MAN1C1: variants seen among roughly 807,000 people sequenced by gnomAD.
MAN1C1 encodes mannosyl-oligosaccharide 1,2-alpha-mannosidase IC.
Under a neutral mutation model 71.5 loss-of-function variants are expected in MAN1C1, and 49 were observed. The ratio of observed to expected loss-of-function variants is 0.69; its 90% confidence interval spans 0.54 to 0.87. The LOEUF (loss-of-function observed/expected upper bound fraction) is 0.87. Ranked by LOEUF, MAN1C1 falls within the 40% of genes least tolerant of loss-of-function variation. The pLI, the probability that MAN1C1 is intolerant of heterozygous loss-of-function variation, is 0.00. For missense variants in MAN1C1, 743 were observed against 835.0 expected (o/e 0.89, Z 1.36); for synonymous variants, 352 against 343.7 (o/e 1.02, Z -0.27).
intron 4 of MAN1C1, among the ~76,000 whole-genome samples, chr1:25,752,256 A>AC (rs2047226342): frequency 6.6e-6 from 1 of 152,082 alleles, no homozygotes; most frequent in African/African-American, 2.4e-5. Flanking sequence ...GGCTCGTGCC[A>AC]CCATTGTGTT....
At chr1:25,659,760 G>T (rs1182147028) in intron 1 of MAN1C1, among the ~76,000 whole-genome samples, 1 of 152,128 alleles carries the variant, frequency 6.6e-6, no homozygotes, top group Non-Finnish European at 1.5e-5. Flanking sequence ...GAAATGTTGT[G>T]TGCCAATGGT....
intron 1 of MAN1C1, among the ~76,000 whole-genome samples, chr1:25,667,958 C>T (rs1228488947): frequency 6.6e-6 from 1 of 152,174 alleles, no homozygotes; most frequent in Non-Finnish European, 1.5e-5. Context: ...AGAATGACTC[C>T]AGGACCTCAG....
chr1:25,718,749 A>G (rs1220993248), intron 2 of MAN1C1, among the ~76,000 whole-genome samples: 1 of 152,206 alleles, frequency 6.6e-6, no homozygotes, highest in East Asian at 1.9e-4. Flanking sequence ...TCCACATTGT[A>G]GCATGCATCA....
In MAN1C1 at chr1:25,758,614, G is replaced by C; in HGVS notation, c.952G>C (p.Ala318Pro). 1 of 1,614,190 alleles carries C rather than the reference G, an allele frequency of 6.2e-7. No individual in the cohort carries two copies. Among genetic ancestry groups the C allele is most frequent in the Non-Finnish European group, 8.5e-7 (1 of 1,180,034 alleles). The part of the protein sequence containing the change: ...FKSGNWGWAT[A>P]GSSSILAEFG... The stretch of plus-strand genomic sequence containing the variant: ...CAGTGGGAACTGGGGCTGGGCCACA[G>C]CCGGCAGCAGCAGCATCTTGGCGGA... The change falls in exon 6 of 12, where the codon GCC (alanine) becomes CCC (proline). Residue 318 changes from alanine (A) to proline (P), a missense_variant. By Grantham distance (27) the Ala-to-Pro change is conservative (BLOSUM62 -1). Coordinates refer to ENST00000374332, the MANE Select transcript of MAN1C1 (RefSeq NM_020379.4).
At chr1:25,622,761 A>G (rs577789643) in intron 1 of MAN1C1, among the ~76,000 whole-genome samples, 1 of 152,340 alleles carries the variant, frequency 6.6e-6, no homozygotes, top group Admixed American at 6.5e-5. Context: ...TTCAACCACC[A>G]GGGTATTGCT....
At chr1:25,706,803 C>G (rs2046530047) in intron 2 of MAN1C1, among the ~76,000 whole-genome samples, 1 of 152,234 alleles carries the variant, frequency 6.6e-6, no homozygotes, top group Non-Finnish European at 1.5e-5. Flanking sequence ...GCCCTCCTCT[C>G]ATGACCCTAC....
At chr1:25,717,015 T>C (rs969147400) in intron 2 of MAN1C1, among the ~76,000 whole-genome samples, 2 of 152,208 alleles carry the variant, frequency 1.3e-5, no homozygotes, top group Non-Finnish European at 2.9e-5. Context: ...CTGTGTATTG[T>C]CGAGTAGTAT....
chr1:25,693,763 C>G (rs1342023404), intron 2 of MAN1C1, among the ~76,000 whole-genome samples: 1 of 152,212 alleles, frequency 6.6e-6, no homozygotes, highest in Non-Finnish European at 1.5e-5. Flanking sequence ...GATTTGAGAA[C>G]TAGACCAGCC....
chr1:25,704,155 C>T (rs1433933759), intron 2 of MAN1C1, among the ~76,000 whole-genome samples: 1 of 152,210 alleles, frequency 6.6e-6, no homozygotes, highest in Non-Finnish European at 1.5e-5. Flanking sequence ...TAATCTCTCC[C>T]GAGGCTGAGA....
At chr1:25,651,161 C>G (rs2124064812) in intron 1 of MAN1C1, among the ~76,000 whole-genome samples, 1 of 152,326 alleles carries the variant, frequency 6.6e-6, no homozygotes, top group African/African-American at 2.4e-5. Context: ...GGGACGGCTA[C>G]TGCAATTCTA....
intron 2 of MAN1C1, among the ~76,000 whole-genome samples, chr1:25,740,812 A>G (rs1284823759): frequency 6.6e-6 from 1 of 151,980 alleles, no homozygotes; most frequent in African/African-American, 2.4e-5. Flanking sequence ...GGGAAGGGCA[A>G]GGGTAGATGC....
chr1:25,715,094 G>A (rs1307469127), intron 2 of MAN1C1, among the ~76,000 whole-genome samples: 1 of 152,134 alleles, frequency 6.6e-6, no homozygotes, highest in African/African-American at 2.4e-5. Context: ...TTCTCAGGTT[G>A]TTCTTCCTTG....
intron 2 of MAN1C1, among the ~76,000 whole-genome samples, chr1:25,689,949 G>T (rs1463025051): frequency 6.6e-6 from 1 of 152,186 alleles, no homozygotes. Flanking sequence ...TCACACAGGT[G>T]CCTAGTTTTG....
In MAN1C1 at chr1:25,634,755, G is replaced by A. The variant is rs1341759231; in HGVS notation, c.540+16418G>A. The stretch of plus-strand genomic sequence containing the variant: ...GAATTGCTTGAACTAGGGAGGCGGA[G>A]GTTGCAGTAAGTCGAGATTGTGCCA... On this transcript the variant is annotated intron_variant, in intron 1 of 11. Coordinates refer to ENST00000374332, the MANE Select transcript of MAN1C1 (RefSeq NM_020379.4). This position sits in a 1 kb window ranked among gnomAD's most constrained non-coding sequence, Gnocchi z 4.6. 2.0e-5 allele frequency among the ~76,000 whole-genome samples: 3 copies of A among 152,116 alleles called. No individual in the cohort carries two copies. Among genetic ancestry groups the A allele is most frequent in the African/African-American group, 7.2e-5 (3 of 41,418 alleles).
intron 2 of MAN1C1, among the ~76,000 whole-genome samples, chr1:25,743,791 A>C (rs1393824553): frequency 1.3e-5 from 2 of 152,352 alleles, no homozygotes; most frequent in Non-Finnish European, 2.9e-5. Context: ...TCAAGGCAGG[A>C]TTCAGAAATC....
rs182867639 is a variant in MAN1C1, at chr1:25,749,998, A to G, written c.834+663A>G. Among the ~76,000 whole-genome samples, 186 of 152,292 alleles carry G rather than the reference A, an allele frequency of 1.2e-3. 4 individuals are homozygous for G. The highest frequency in any genetic ancestry group is 7.4e-5 in the Non-Finnish European group (5 of 68,012). On this transcript the variant is annotated intron_variant, in intron 4 of 11. Transcript: ENST00000374332. Reference sequence around the variant, plus strand: ...TTGGTTTCCACAAGGAGGGCTGGGAAGTGCACGCTACAGGAAGGCAGAGCT... The same window carrying G: ...TTGGTTTCCACAAGGAGGGCTGGGAGGTGCACGCTACAGGAAGGCAGAGCT...
chr1:25,658,448 TTGC>T (rs1420594784), intron 1 of MAN1C1, among the ~76,000 whole-genome samples: 1 of 152,102 alleles, frequency 6.6e-6, no homozygotes, highest in African/African-American at 2.4e-5. Flanking sequence ...ACATCCAAAC[TTGC>T]TGCTGCTTCT....
chr1:25,689,621 T>C (rs1398008095), intron 2 of MAN1C1, among the ~76,000 whole-genome samples: 1 of 152,144 alleles, frequency 6.6e-6, no homozygotes, highest in Non-Finnish European at 1.5e-5. Flanking sequence ...AGCTAGACTA[T>C]TCCTGAAGGT....
intron 1 of MAN1C1, among the ~76,000 whole-genome samples, chr1:25,665,774 CAG>C (rs1214166255): frequency 6.6e-6 from 1 of 150,840 alleles, no homozygotes; most frequent in Non-Finnish European, 1.5e-5. Flanking sequence ...GAAATGGTGT[CAG>C]AGTTATCACC....
Sources: gnomAD v4.1 joint callset for allele counts (sites outside exome capture counted in the v4.1 genomes callset) on GRCh38, gnomAD v4.1.1 for gene constraint, Gnocchi (gnomAD v3.1) non-coding constraint, MANE v1.5 for transcripts, NCBI Gene and HGNC (gene_info 2026-07-23, HGNC 2026-07-21) for gene names.